Variants in TAOK3 observed in about 807,000 individuals in gnomAD.
The protein encoded by TAOK3 is TAO kinase 3.
TAOK3 carries 40 observed loss-of-function variants against 120.4 expected under a neutral mutation model. The observed-to-expected ratio is 0.33, with a 90% CI of 0.26 to 0.43. TAOK3 has a LOEUF of 0.43. Ranked by LOEUF, TAOK3 falls within the 20% of genes least tolerant of loss-of-function variation. The probability of loss-of-function intolerance (pLI) is 1.00; values close to 1 mark genes in which losing one functional copy is unlikely to be tolerated. For synonymous variants in TAOK3, 355 were observed against 387.5 expected (o/e 0.92, Z 0.99); for missense variants, 821 against 1,112.1 (o/e 0.74, Z 3.72).
intron 15 of TAOK3, among the ~76,000 whole-genome samples, chr12:118,180,276 T>G (rs2036629779): frequency 6.7e-6 from 1 of 148,388 alleles, no homozygotes; most frequent in South Asian, 2.1e-4. Flanking sequence ...GGTCTCGCTC[T>G]GTCACCCAGG....
chr12:118,290,047 C>T (rs1017735796), intron 1 of TAOK3, among the ~76,000 whole-genome samples: 1 of 151,682 alleles, frequency 6.6e-6, no homozygotes, highest in African/African-American at 2.4e-5. Context: ...CCTTATATAC[C>T]ATCTGATTTT....
At chr12:118,205,706 G>A (rs752881965) in intron 11 of TAOK3, among the ~76,000 whole-genome samples, 8 of 152,086 alleles carry the variant, frequency 5.3e-5, no homozygotes, top group African/African-American at 7.2e-5. Flanking sequence ...TGCCTCCCAG[G>A]TTCAAGTGAT....
At chr12:118,166,957 C>T (rs570145681) in intron 17 of TAOK3, among the ~76,000 whole-genome samples, 3 of 152,166 alleles carry the variant, frequency 2.0e-5, no homozygotes, top group Non-Finnish European at 2.9e-5. Context: ...AGCACTCTAA[C>T]TTCTAATGGA....
chr12:118,169,502 G>T (rs950004680), intron 17 of TAOK3, among the ~76,000 whole-genome samples: 7 of 139,236 alleles, frequency 5.0e-5, no homozygotes, highest in Non-Finnish European at 1.1e-4. Context: ...GTACAGATGG[G>T]GTTTCACCAT....
chr12:118,279,825 C>T (rs2042033570), intron 1 of TAOK3, among the ~76,000 whole-genome samples: 1 of 149,920 alleles, frequency 6.7e-6, no homozygotes. Flanking sequence ...AGTGCAGTGG[C>T]TTTGATCTCC....
At chr12:118,348,368 A>G (rs1056206830) in intron 1 of TAOK3, among the ~76,000 whole-genome samples, 2 of 152,236 alleles carry the variant, frequency 1.3e-5, no homozygotes, top group Non-Finnish European at 2.9e-5. Context: ...TGTTAAACAC[A>G]GACTATTCAT....
At chr12:118,194,563 G>A (rs1452116327) in intron 13 of TAOK3, among the ~76,000 whole-genome samples, 1 of 150,266 alleles carries the variant, frequency 6.7e-6, no homozygotes, top group Non-Finnish European at 1.5e-5. Flanking sequence ...AAAGGCCACT[G>A]AAGCAAGTGA....
At chr12:118,354,421 G>A (rs747290397) in intron 1 of TAOK3, among the ~76,000 whole-genome samples, 21 of 152,134 alleles carry the variant, frequency 1.4e-4, no homozygotes, top group Non-Finnish European at 2.8e-4. Context: ...AGAAGGAGTA[G>A]GTCAGCAGGA....
chr12:118,369,937 C>T (rs1189812827), intron 1 of TAOK3, among the ~76,000 whole-genome samples: 2 of 152,056 alleles, frequency 1.3e-5, no homozygotes, highest in Non-Finnish European at 2.9e-5. Context: ...TGCAGTGGCG[C>T]GATCTTGGCT....
intron 2 of TAOK3, among the ~76,000 whole-genome samples, chr12:118,260,995 T>G (rs887721614): frequency 3.3e-5 from 5 of 152,084 alleles, no homozygotes; most frequent in Non-Finnish European, 7.4e-5. Context: ...AATCAGACCT[T>G]TAGAGATGAA....
intron 2 of TAOK3, among the ~76,000 whole-genome samples, chr12:118,261,313 C>T (rs2041218768): frequency 6.6e-6 from 1 of 152,016 alleles, no homozygotes; most frequent in Non-Finnish European, 1.5e-5. Flanking sequence ...AGTATAAACC[C>T]ACAGATCCAA....
At chr12:118,183,780 G>C (rs1469330754) in intron 14 of TAOK3, among the ~76,000 whole-genome samples, 1 of 152,174 alleles carries the variant, frequency 6.6e-6, no homozygotes, top group African/African-American at 2.4e-5. Flanking sequence ...GTTTTAGCTA[G>C]AAACTTTTTC....
intron 1 of TAOK3, among the ~76,000 whole-genome samples, chr12:118,291,430 G>C (rs1365282461): frequency 6.6e-6 from 1 of 152,060 alleles, no homozygotes; most frequent in Non-Finnish European, 1.5e-5. Flanking sequence ...CAAAGTGCTG[G>C]GATTACAGGT....
At chr12:118,264,126 C>T (rs536801902) in intron 2 of TAOK3, among the ~76,000 whole-genome samples, 2 of 152,344 alleles carry the variant, frequency 1.3e-5, no homozygotes, top group Admixed American at 1.3e-4. Context: ...CTTTCATACA[C>T]TGCTGGTGGG....
chr12:118,243,609 G>A, intron 4 of TAOK3, 93 bp from the exon 5 acceptor site: 5 of 474,682 alleles, frequency 1.1e-5, no homozygotes, highest in Non-Finnish European at 1.5e-5. Flanking sequence ...TTATATTATT[G>A]TAAATGGACA....
At chr12:118,166,730 A>G (rs969358842) in intron 17 of TAOK3, among the ~76,000 whole-genome samples, 1 of 151,924 alleles carries the variant, frequency 6.6e-6, no homozygotes, top group Admixed American at 6.6e-5. Flanking sequence ...AATTTAACAA[A>G]ATGAGCTGAG....
At chr12:118,340,396 C>T (rs1014893812) in intron 1 of TAOK3, among the ~76,000 whole-genome samples, 3 of 151,974 alleles carry the variant, frequency 2.0e-5, no homozygotes, top group Non-Finnish European at 4.4e-5. Flanking sequence ...CATCATGTGA[C>T]AATTTTAAGA....
At chr12:118,328,254 T>G (rs1055342762) in intron 1 of TAOK3, among the ~76,000 whole-genome samples, 1 of 152,070 alleles carries the variant, frequency 6.6e-6, no homozygotes, top group African/African-American at 2.4e-5. Context: ...AGAGATGGGA[T>G]TTCACCATGT....
intron 3 of TAOK3, among the ~76,000 whole-genome samples, chr12:118,252,056 C>T (rs1461361700): frequency 1.3e-5 from 2 of 152,062 alleles, no homozygotes; most frequent in Admixed American, 6.6e-5. Flanking sequence ...CTCCTGACCT[C>T]GTGATCCACC....
Sources: gnomAD v4.1 joint callset for allele counts (sites outside exome capture counted in the v4.1 genomes callset) on GRCh38, gnomAD v4.1.1 for gene constraint, MANE v1.5 for transcripts, NCBI Gene and HGNC (gene_info 2026-07-23, HGNC 2026-07-21) for gene names.